The following AGBL2 variants were observed in gnomAD, a reference collection of about 807,000 sequenced individuals.
AGBL2 encodes the protein cytosolic carboxypeptidase 2.
AGBL2 carries 87 observed loss-of-function variants against 103.0 expected under a neutral mutation model. That is an observed-to-expected ratio of 0.84 (90% CI 0.71 to 1.01). The LOEUF is 1.01. Ranked by LOEUF, AGBL2 falls within the 50% of genes least tolerant of loss-of-function variation. AGBL2 has a pLI of 0.00. For missense variants in AGBL2, 904 were observed against 1,023.5 expected (o/e 0.88, Z 1.59); for synonymous variants, 335 against 356.7 (o/e 0.94, Z 0.69).
At chr11:47,667,747 C>T in intron 15 of AGBL2, 51 bp from the exon 16 acceptor site, 1 of 1,587,008 alleles carries the variant, frequency 6.3e-7, no homozygotes, top group Non-Finnish European at 8.5e-7. Flanking sequence ...GAACTAGGCC[C>T]ACCCACATGT....
rs1157415037 is a variant in AGBL2, at chr11:47,685,752, A to G, written c.1788+141T>C. On this transcript the variant is annotated intron_variant, in intron 11 of 18. Transcript: ENST00000525123. ...GCAATTCTTAAAACCACGCTTTTCT[A>G]AATTCTTGAAGTCTAGGTTGCTCGG... 5 of 926,374 alleles carry G rather than the reference A, an allele frequency of 5.4e-6. No individual in the cohort carries two copies. The East Asian group carries it at 1.3e-4, about 24-fold the overall frequency. 57.4% of individuals were successfully genotyped at this position (926,374 alleles called of 1,614,324 possible).
At chr11:47,695,736 C>T (rs557144515) in intron 8 of AGBL2, among the ~76,000 whole-genome samples, 2 of 152,056 alleles carry the variant, frequency 1.3e-5, no homozygotes, top group East Asian at 3.9e-4. Flanking sequence ...GTTCATCCCA[C>T]TGCACTCCAG....
rs2153804403 is a variant in AGBL2 at position 47,692,654 on chromosome 11, T to C, written c.695-398A>G. Reference sequence around the variant, plus strand: ...GTCTCGATCTCCTGACCTTGTGATCTGCCCGTCTCAGCCTCCCAAAGTGCT... The same window carrying C: ...GTCTCGATCTCCTGACCTTGTGATCCGCCCGTCTCAGCCTCCCAAAGTGCT... On this transcript the variant is annotated intron_variant, in intron 8 of 18. Coordinates refer to ENST00000525123, the MANE Select transcript of AGBL2 (RefSeq NM_024783.4). Among the ~76,000 whole-genome samples, 2 of 151,806 alleles carry C rather than the reference T, an allele frequency of 1.3e-5. 1 individual carries two copies. Among genetic ancestry groups the C allele is most frequent in the Non-Finnish European group, 2.9e-5 (2 of 67,928 alleles).
intron 6 of AGBL2, 58 bp from the exon 7 acceptor site, chr11:47,704,786 T>C (rs2097511756): frequency 4.4e-6 from 6 of 1,360,188 alleles, no homozygotes; most frequent in African/African-American, 1.4e-5. Context: ...GGAACTTTAC[T>C]GCTCATCTAT....
intron 3 of AGBL2, among the ~76,000 whole-genome samples, chr11:47,713,524 C>T (rs1465030960): frequency 1.3e-5 from 2 of 150,230 alleles, no homozygotes; most frequent in African/African-American, 4.9e-5. Context: ...GACTTCATCT[C>T]AAAATAAATA....
chr11:47,701,007 C>T (rs368696808), intron 7 of AGBL2, among the ~76,000 whole-genome samples: 8 of 150,714 alleles, frequency 5.3e-5, no homozygotes, highest in African/African-American at 1.7e-4. Flanking sequence ...AGTGAGCTGA[C>T]GCGGTGCCAC....
rs141883591 is a variant in AGBL2, at chr11:47,711,651, C to T, written c.98-1140G>A. On this transcript the variant is annotated intron_variant, in intron 3 of 18. Coordinates refer to ENST00000525123, the MANE Select transcript of AGBL2 (RefSeq NM_024783.4). ...CGGGTTCAAGCATTTCTCCTGCCTC[C>T]GCCTTCCGAGTAGCTGGGATTACAG... Among the ~76,000 whole-genome samples the T allele has an allele frequency of 3.9e-5, 6 of 152,260 alleles. No homozygotes were observed. In the East Asian group the frequency reaches 5.8e-4, roughly 15 times the overall value.
intron 13 of AGBL2, among the ~76,000 whole-genome samples, chr11:47,678,160 C>T (rs1200731016): frequency 6.6e-6 from 1 of 151,030 alleles, no homozygotes; most frequent in Non-Finnish European, 1.5e-5. Flanking sequence ...GATGGGGTTT[C>T]ACCACGTTGG....
At chr11:47,709,388 G>A (rs1403965291) in intron 4 of AGBL2, among the ~76,000 whole-genome samples, 1 of 147,376 alleles carries the variant, frequency 6.8e-6, no homozygotes, top group African/African-American at 2.5e-5. Context: ...AGCAGGGGGG[G>A]TTGTAGAGAA....
chr11:47,708,943 G>A (rs1460309374), intron 4 of AGBL2, among the ~76,000 whole-genome samples: 1 of 152,038 alleles, frequency 6.6e-6, no homozygotes, highest in African/African-American at 2.4e-5. Flanking sequence ...CTAACATGGC[G>A]AGACACTGTC....
intron 11 of AGBL2, among the ~76,000 whole-genome samples, chr11:47,685,193 C>A (rs1016461401): frequency 1.3e-5 from 2 of 151,598 alleles, no homozygotes; most frequent in East Asian, 3.9e-4. Context: ...CTCGACAGAG[C>A]GAGACTCCGT....
chr11:47,668,146 T>G (rs1371585524), intron 15 of AGBL2, among the ~76,000 whole-genome samples: 5 of 140,696 alleles, frequency 3.6e-5, no homozygotes, highest in African/African-American at 5.3e-5. Context: ...GAGGTGGAGG[T>G]TGCAGTAAGC....
At chr11:47,681,644 G>T (rs1022769676) in intron 12 of AGBL2, among the ~76,000 whole-genome samples, 1 of 152,148 alleles carries the variant, frequency 6.6e-6, no homozygotes, top group East Asian at 1.9e-4. Context: ...ATTTTTAGTA[G>T]AGATGGGGTT....
intron 17 of AGBL2, among the ~76,000 whole-genome samples, chr11:47,664,571 C>T (rs1003654931): frequency 1.2e-4 from 18 of 151,800 alleles, no homozygotes; most frequent in African/African-American, 4.1e-4. Flanking sequence ...ACCACCACGC[C>T]CAGCTAATTT....
At chr11:47,709,425 G>A (rs1222547766) in intron 4 of AGBL2, among the ~76,000 whole-genome samples, 1 of 152,060 alleles carries the variant, frequency 6.6e-6, no homozygotes, top group Non-Finnish European at 1.5e-5. Context: ...TGTTTGGTTT[G>A]AGGGAGAAGT....
At position 47,678,338 on chromosome 11, in the gene AGBL2, A is replaced by ATTTTTTTTTTTTTTTTT. The variant is rs1196435610; in HGVS notation, c.2017-938_2017-937insAAAAAAAAAAAAAAAAA. ...TTATTTTATTTTATTTTATTTTATT[A>ATTTTTTTTTTTTTTTTT]TTTTATTTTTTTTGAGACGGAGTCT... On this transcript the variant is annotated intron_variant, in intron 13 of 18. Coordinates refer to ENST00000525123, the MANE Select transcript of AGBL2 (RefSeq NM_024783.4). 3.7e-4 allele frequency among the ~76,000 whole-genome samples: 35 copies of ATTTTTTTTTTTTTTTTT among 95,296 alleles called. 1 individual carries two copies. Among genetic ancestry groups the ATTTTTTTTTTTTTTTTT allele is most frequent in the South Asian group, 1.9e-3 (5 of 2,616 alleles). 62.5% of individuals were successfully genotyped at this position (95,296 alleles called of 152,430 possible).
At position 47,660,241 on chromosome 11, in the gene AGBL2, G is replaced by C; in HGVS notation, c.2641C>G (p.Pro881Ala). Residue 881 changes from proline (P) to alanine (A), a missense_variant, in exon 19 of 19, where the codon CCT (proline) becomes GCT (alanine). Pro to Ala is a conservative substitution (Grantham distance 27). Coordinates refer to ENST00000525123, the MANE Select transcript of AGBL2 (RefSeq NM_024783.4). The stretch of plus-strand genomic sequence containing the variant: ...GCAGCACAGCCTCTCTTTGTGGCAG[G>C]ATATCTGCTCCTAGGCCAGTTTGGC... ...MKPNWPRSRYPATKRGCAAMA... is the reference protein window; with the variant it reads ...MKPNWPRSRYAATKRGCAAMA... The C allele has an allele frequency of 1.9e-6, 3 of 1,614,242 alleles. No individual in the cohort carries two copies. The highest frequency in any genetic ancestry group is 2.5e-6 in the Non-Finnish European group (3 of 1,180,046).
intron 10 of AGBL2, among the ~76,000 whole-genome samples, chr11:47,688,211 G>A (rs986628303): frequency 1.1e-4 from 17 of 151,632 alleles, no homozygotes; most frequent in Admixed American, 7.2e-4. Context: ...CTCCTGCCTC[G>A]GCCTCTCAAA....
At chr11:47,710,550 G>A (rs374641070) in intron 3 of AGBL2, 39 bp from the exon 4 acceptor site, 269 of 1,610,626 alleles carry the variant, frequency 1.7e-4, no homozygotes, top group Admixed American at 1.6e-3. Context: ...CTGGAAGGCC[G>A]ACTCATCACT....
Sources: gnomAD v4.1 joint callset for allele counts (sites outside exome capture counted in the v4.1 genomes callset) on GRCh38, gnomAD v4.1.1 for gene constraint, MANE v1.5 for transcripts, NCBI Gene and HGNC (gene_info 2026-07-23, HGNC 2026-07-21) for gene names.